Variants in PUDP observed in about 807,000 individuals in gnomAD.
The protein encoded by PUDP is pseudouridine 5'-phosphatase, also known as pseudouridine-5'-phosphatase.
A neutral mutation model predicts 9.4 loss-of-function variants in PUDP; 8 were observed. The ratio of observed to expected loss-of-function variants is 0.85; its 90% CI spans 0.50 to 1.53. The LOEUF is 1.53. Among genes scored for constraint, PUDP ranks in the 40% most tolerant of loss-of-function variants. The pLI is 0.00. For missense variants in PUDP, 188 were observed against 189.7 expected, an observed-to-expected ratio of 0.99 and a Z score of 0.05; for synonymous variants, 99 against 80.7, an observed-to-expected ratio of 1.23 and a Z score of -1.22.
At chrX:7,079,261 T>TGA (rs1348637001) in intron 2 of PUDP, among the ~76,000 whole-genome samples, 18 of 112,486 alleles carry the variant, frequency 1.6e-4, no homozygotes, top group Admixed American at 1.5e-3. Flanking sequence ...GACAAATAGA[T>TGA]CAGTTCATCA....
chrX:6,959,045 G>A (rs1473326214), intron 3 of PUDP, among the ~76,000 whole-genome samples: 1 of 111,931 alleles, frequency 8.9e-6, no homozygotes, highest in Non-Finnish European at 1.9e-5. Context: ...ACAGAACTTG[G>A]AGATTTGAAG....
At chrX:6,820,727 G>T (rs1006964264) in intron 3 of PUDP, among the ~76,000 whole-genome samples, 1 of 112,249 alleles carries the variant, frequency 8.9e-6, no homozygotes, top group African/African-American at 3.2e-5. Context: ...GTCTTGGGCA[G>T]CTTCACCCCT....
chrX:6,931,075 G>T (rs1009164847), intron 3 of PUDP, among the ~76,000 whole-genome samples: 2 of 111,737 alleles, frequency 1.8e-5, no homozygotes, highest in Admixed American at 9.5e-5. Context: ...CTGAAGGATA[G>T]AAGTCATGTT....
At chrX:6,885,926 A>G (rs4072230) in intron 3 of PUDP, among the ~76,000 whole-genome samples, 12,686 of 112,083 alleles carry the variant, frequency 0.11, 764 homozygotes, top group East Asian at 0.46. Context: ...CTAAGAATGT[A>G]TGGAGTGGCT....
At chrX:7,065,603 C>T (rs941975834) in intron 3 of PUDP, among the ~76,000 whole-genome samples, 1 of 112,129 alleles carries the variant, frequency 8.9e-6, no homozygotes, top group Non-Finnish European at 1.9e-5. Flanking sequence ...GGTTATTCTC[C>T]CTATTCTAGT....
At chrX:6,766,583 CAT>C (rs1318893004) in intron 3 of PUDP, among the ~76,000 whole-genome samples, 1 of 111,727 alleles carries the variant, frequency 9.0e-6, no homozygotes, top group Non-Finnish European at 1.9e-5. Context: ...TACGCAAAGA[CAT>C]AAACTAAAAC....
At chrX:7,062,234 T>A (rs1930423777) in intron 3 of PUDP, among the ~76,000 whole-genome samples, 1 of 111,195 alleles carries the variant, frequency 9.0e-6, no homozygotes, top group South Asian at 3.8e-4. Flanking sequence ...CTGGAGTTCA[T>A]GGTCTCCAAG....
chrX:6,751,229 T>G (rs1925076863), intron 3 of PUDP, among the ~76,000 whole-genome samples: 1 of 111,207 alleles, frequency 9.0e-6, no homozygotes, highest in Non-Finnish European at 1.9e-5. Flanking sequence ...TGTGTCATGA[T>G]GGTTGCAATT....
chrX:6,887,118 GAT>G, intron 3 of PUDP, among the ~76,000 whole-genome samples: 1 of 87,635 alleles, frequency 1.1e-5, no homozygotes, highest in Admixed American at 1.6e-4. Flanking sequence ...TATATTATAT[GAT>G]ATATAAGTAT....
At chrX:7,044,189 C>G (rs1437227339), downstream of PUDP, among the ~76,000 whole-genome samples, 1 of 112,476 alleles carries the variant, frequency 8.9e-6, no homozygotes, top group Non-Finnish European at 1.9e-5. Flanking sequence ...ATGAGGGAGC[C>G]GTTTCATGCC....
chrX:6,881,175 A>T (rs1240709502), intron 3 of PUDP, among the ~76,000 whole-genome samples: 2 of 112,002 alleles, frequency 1.8e-5, no homozygotes, highest in African/African-American at 6.5e-5. Flanking sequence ...AGCTTATGTA[A>T]GCAAATTGAA....
At chrX:6,857,507 C>A (rs1183061408) in intron 3 of PUDP, among the ~76,000 whole-genome samples, 6 of 112,782 alleles carry the variant, frequency 5.3e-5, no homozygotes, top group Non-Finnish European at 1.1e-4. Context: ...CATCAGAACT[C>A]ATTGCAGCCT....
intron 3 of PUDP, among the ~76,000 whole-genome samples, chrX:6,825,433 G>A (rs758834147): frequency 9.0e-6 from 1 of 111,577 alleles, no homozygotes; most frequent in Non-Finnish European, 1.9e-5. Flanking sequence ...CTTGCAAAAA[G>A]AAAATGTGCT....
Position 6,742,718 on chromosome X carries a change from T to C in PUDP, c.*248-36252A>G, listed in dbSNP as rs139330790. Among the ~76,000 whole-genome samples, 249 of 111,854 alleles carry C rather than the reference T, an allele frequency of 2.2e-3. 2 individuals carry two copies. The highest frequency in any genetic ancestry group is 7.4e-3 in the African/African-American group (228 of 30,633). On this transcript the variant is annotated intron_variant and NMD_transcript_variant, in intron 3 of 3. Coordinates refer to the PUDP transcript ENST00000655425. ...TAAGACCAGGCGTTCAAGGCTGCAG[T>C]GAACCATGCTTATGCTACTGCACTC...
At position 6,760,896 on chromosome X, in the gene PUDP, C is replaced by T. The variant is rs191752958; in HGVS notation, c.*248-54430G>A. ...TTTTAATGGAATAATAAGATTGAAG[C>T]TGTGTTTGATTCATATTTTAAGGTT... On this transcript the variant is annotated intron_variant and NMD_transcript_variant, in intron 3 of 3. Transcript: ENST00000655425. 8.0e-4 allele frequency among the ~76,000 whole-genome samples: 90 copies of T among 112,139 alleles called. 1 individual carries two copies. Among genetic ancestry groups the T allele is most frequent in the African/African-American group, 2.8e-3 (88 of 30,888 alleles).
chrX:6,851,648 C>A (rs1437970915), intron 3 of PUDP, among the ~76,000 whole-genome samples: 1 of 111,937 alleles, frequency 8.9e-6, no homozygotes, highest in Non-Finnish European at 1.9e-5. Flanking sequence ...ATGATAAACT[C>A]TATCATACGT....
At position 6,865,977 on chromosome X, in the gene PUDP, G is replaced by A. The variant is rs1304485339; in HGVS notation, c.*247+111156C>T. ...TCTCTGTTGCCCAGGCCGGAGTACA[G>A]TGGCACAGGCGTAGTTCACTGCAGC... On this transcript the variant is annotated intron_variant and NMD_transcript_variant, in intron 3 of 3. Coordinates refer to the PUDP transcript ENST00000655425. 9.0e-5 allele frequency among the ~76,000 whole-genome samples: 10 copies of A among 111,589 alleles called. 1 individual carries two copies. The highest frequency in any genetic ancestry group is 1.7e-4 in the Non-Finnish European group (9 of 53,147).
intron 3 of PUDP, among the ~76,000 whole-genome samples, chrX:6,773,479 C>A (rs961397937): frequency 9.0e-6 from 1 of 111,542 alleles, no homozygotes; most frequent in Non-Finnish European, 1.9e-5. Context: ...TCACTAGAGT[C>A]CGTCAGGGTC....
At chrX:6,960,118 G>T (rs1928685809) in intron 3 of PUDP, among the ~76,000 whole-genome samples, 1 of 112,234 alleles carries the variant, frequency 8.9e-6, no homozygotes, top group Non-Finnish European at 1.9e-5. Context: ...GGTGCTGGAA[G>T]GAGTTAAGAC....
Sources: allele counts gnomAD v4.1 joint callset (sites outside exome capture counted in the v4.1 genomes callset), GRCh38; gene constraint gnomAD v4.1.1; transcripts MANE v1.5; gene names NCBI Gene and HGNC (gene_info 2026-07-23, HGNC 2026-07-21).